Variants in ZNF782 observed in about 807,000 individuals in gnomAD.
ZNF782 encodes the protein zinc finger protein 782.
A neutral mutation model predicts 13.0 loss-of-function variants in ZNF782; 12 were observed. The ratio of observed to expected loss-of-function variants is 0.92; its 90% CI spans 0.59 to 1.50. The LOEUF (loss-of-function observed/expected upper bound fraction) is 1.50, where lower values mean the gene tolerates loss of function less well. ZNF782 is among the 40% of genes most tolerant of loss of function. The pLI is 0.00. For missense variants in ZNF782, 770 were observed against 822.9 expected, an observed-to-expected ratio of 0.94 and a Z score of 0.79; for synonymous variants, 284 against 283.0, an observed-to-expected ratio of 1.00 and a Z score of -0.04.
In ZNF782 at chr9:96,818,164, C is replaced by T; in HGVS notation, c.1859G>A (p.Cys620Tyr). 1 of 1,614,094 alleles carries T rather than the reference C, an allele frequency of 6.2e-7. No individual in the cohort carries two copies. The highest frequency in any genetic ancestry group is 8.5e-7 in the Non-Finnish European group (1 of 1,180,000). The change falls in exon 6 of 6, where the codon TGT becomes TAT. Residue 620 changes from cysteine to tyrosine, a missense_variant. Coordinates refer to ENST00000481138, the MANE Select transcript of ZNF782 (RefSeq NM_001001662.3). ...RTHTGEKPYE[C>Y]NECGKAFSEK... The stretch of plus-strand genomic sequence containing the variant: ...ACTGAAAGCTTTTCCACATTCATTA[C>T]ATTCATAGGGCTTCTCCCCAGTGTG...
intron 4 of ZNF782, among the ~76,000 whole-genome samples, chr9:96,833,291 A>G (rs1850866586): frequency 6.6e-6 from 1 of 152,170 alleles, no homozygotes; most frequent in South Asian, 2.1e-4. Flanking sequence ...AATAAAGTCC[A>G]CACTTTATTC....
At chr9:96,863,568 A>G (rs1851728960) in intron 1 of ZNF782, among the ~76,000 whole-genome samples, 1 of 152,242 alleles carries the variant, frequency 6.6e-6, no homozygotes, top group African/African-American at 2.4e-5. Flanking sequence ...CAAGCATGCT[A>G]ATAGCAGCAC....
rs1850215939 is a variant in ZNF782, at chr9:96,817,705, T to C, written c.*218A>G. ...TAGGGTTTCTTTGCTGTGTGAGTTC[T>C]GTATATCCATAGAAGACTGGGCTCT... On this transcript the variant is annotated 3_prime_UTR_variant, in exon 6 of 6. Coordinates refer to ENST00000481138, the MANE Select transcript of ZNF782 (RefSeq NM_001001662.3). The C allele has an allele frequency of 2.3e-6, 1 of 442,296 alleles. No individual in the cohort carries two copies. The highest frequency in any genetic ancestry group is 2.0e-5 in the African/African-American group (1 of 49,266). The allele number at this position is 442,296 out of a possible 1,614,324, so 27.4% of individuals were successfully genotyped here. A position where few individuals can be genotyped will look rare whatever the true frequency, so the allele number is the denominator to read the frequency against.
At chr9:96,912,836 C>T in the ZNF782 span, among the ~76,000 whole-genome samples, 62 of 151,688 alleles carry the variant, frequency 4.1e-4, no homozygotes, top group African/African-American at 3.9e-4. Flanking sequence ...CTTTTTTTTC[C>T]GTTTTTTTGT....
At chr9:96,908,272 T>C in the ZNF782 span, among the ~76,000 whole-genome samples, 7 of 151,760 alleles carry the variant, frequency 4.6e-5, no homozygotes, top group Admixed American at 2.0e-4. Context: ...TGGGCTCAAG[T>C]GATCCTCCTG....
upstream of ZNF782, among the ~76,000 whole-genome samples, chr9:96,880,432 G>GT (rs1026576935): frequency 2.6e-5 from 4 of 152,236 alleles, no homozygotes; most frequent in Non-Finnish European, 4.4e-5. Context: ...GTGGTTCCTC[G>GT]TTTTTTAGGT....
chr9:96,910,268 G>A, the ZNF782 span: 3 of 595,502 alleles, frequency 5.0e-6, no homozygotes, highest in Admixed American at 2.1e-5. Context: ...GGAAGAGGAG[G>A]AGGAAAAAGA....
the ZNF782 span, among the ~76,000 whole-genome samples, chr9:96,924,458 ATAAG>A: frequency 3.1e-5 from 3 of 96,182 alleles, no homozygotes; most frequent in Non-Finnish European, 6.2e-5. Flanking sequence ...TAAATTCCAC[ATAAG>A]TAAGCGATTC....
At chr9:96,928,227 AGCACAATAT>A in the ZNF782 span, 1 of 176,756 alleles carries the variant, frequency 5.7e-6, no homozygotes, top group Non-Finnish European at 1.2e-5. Context: ...ATTTAACACC[AGCACAATAT>A]GCTGGGAAAC....
intron 5 of ZNF782, among the ~76,000 whole-genome samples, chr9:96,822,598 G>A (rs7859940): frequency 0.21 from 32,242 of 152,018 alleles, 8,353 homozygotes; most frequent in African/African-American, 0.61. Flanking sequence ...TGCAAGAACC[G>A]CTTTTGGCTT....
At chr9:96,842,579 A>C (rs1851220647) in intron 4 of ZNF782, among the ~76,000 whole-genome samples, 1 of 152,084 alleles carries the variant, frequency 6.6e-6, no homozygotes, top group South Asian at 2.1e-4. Context: ...TTTACTCAAA[A>C]TGTACCATAA....
At chr9:96,891,511 C>A in the ZNF782 span, 4 of 151,748 alleles carry the variant, frequency 2.6e-5, no homozygotes, top group Non-Finnish European at 4.4e-5. Context: ...GTTACCATCA[C>A]CCAGGTGATG....
the ZNF782 span, among the ~76,000 whole-genome samples, chr9:96,903,678 T>C: frequency 7.1e-6 from 1 of 141,264 alleles, no homozygotes; most frequent in African/African-American, 2.6e-5. Flanking sequence ...TTCTCCTGCC[T>C]CAGCCTCCCG....
the ZNF782 span, among the ~76,000 whole-genome samples, chr9:96,914,013 T>C: frequency 3.3e-5 from 5 of 150,766 alleles, no homozygotes; most frequent in African/African-American, 1.2e-4. Flanking sequence ...TAATTGAGTG[T>C]GATTATGGTT....
chr9:96,884,382 T>C, the ZNF782 span, among the ~76,000 whole-genome samples: 2 of 152,220 alleles, frequency 1.3e-5, no homozygotes, highest in African/African-American at 4.8e-5. Context: ...GTGCTGACCC[T>C]TCACCTCCAC....
chr9:96,873,340 A>C (rs1048992948), intron 1 of ZNF782, among the ~76,000 whole-genome samples: 1 of 152,200 alleles, frequency 6.6e-6, no homozygotes, highest in African/African-American at 2.4e-5. Context: ...CCTGACATAC[A>C]TGAGTGGTCA....
rs1218415329 is a variant in ZNF782 at position 96,818,347 on chromosome 9, T to C, written c.1676A>G (p.Glu559Gly). 1.2e-6 allele frequency: 2 copies of C among 1,614,214 alleles called. No individual in the cohort carries two copies. The highest frequency in any genetic ancestry group is 1.3e-5 in the African/African-American group (1 of 75,044). ...ACAATGATTACATTTATAGGGTTTT[T>C]CCCCTGTGTGAATTCTATGATGTCC... ...LRGHHRIHTG[E>G]KPYKCNHCGE... The change falls in exon 6 of 6, where the codon GAA (glutamate) becomes GGA (glycine). Residue 559 changes from glutamate (E) to glycine (G), a missense_variant. Transcript: ENST00000481138.
the ZNF782 span, among the ~76,000 whole-genome samples, chr9:96,914,729 TC>T: frequency 7.4e-6 from 1 of 135,800 alleles, no homozygotes; most frequent in African/African-American, 2.8e-5. Flanking sequence ...TTTTTTTCTT[TC>T]TTAAGTGCTT....
At chr9:96,854,774 G>A (rs535761125), upstream of ZNF782, among the ~76,000 whole-genome samples, 3 of 152,160 alleles carry the variant, frequency 2.0e-5, no homozygotes, top group South Asian at 2.1e-4. Context: ...TTGGTTCCCG[G>A]TTGAACCAAC....
Sources: gnomAD v4.1 joint callset for allele counts (sites outside exome capture counted in the v4.1 genomes callset) on GRCh38, gnomAD v4.1.1 for gene constraint, MANE v1.5 for transcripts, NCBI Gene and HGNC (gene_info 2026-07-23, HGNC 2026-07-21) for gene names.